Variants in MAGT1 observed in about 807,000 individuals in gnomAD.
MAGT1 encodes the protein magnesium transporter 1.
In MAGT1, 4 loss-of-function variants were observed where a neutral mutation model predicts 28.4. The observed-to-expected ratio is 0.14, with a 90% confidence interval of 0.07 to 0.32. MAGT1 has a LOEUF of 0.32. MAGT1 is among the 10% of genes least tolerant of loss of function. The pLI is 1.00. For missense variants in MAGT1, 193 were observed against 264.5 expected, an observed-to-expected ratio of 0.73 and a Z score of 1.88; for synonymous variants, 89 against 89.7, an observed-to-expected ratio of 0.99 and a Z score of 0.04.
chrX:77,859,594 C>T (rs1399989291), intron 3 of MAGT1, among the ~76,000 whole-genome samples: 8 of 111,970 alleles, frequency 7.1e-5, no homozygotes, highest in Admixed American at 4.8e-4. Flanking sequence ...TGCCCAGGCA[C>T]GGTGGCTCAC....
intron 5 of MAGT1, among the ~76,000 whole-genome samples, 160 bp from the exon 6 acceptor site, chrX:77,855,750 C>T (rs782795878): frequency 9.0e-6 from 1 of 111,302 alleles, no homozygotes; most frequent in Non-Finnish European, 1.9e-5. Flanking sequence ...GATCACAATT[C>T]GATAATACTT....
intron 4 of MAGT1, 100 bp from the exon 5 acceptor site, chrX:77,856,973 G>T: frequency 1.3e-6 from 1 of 762,357 alleles, no homozygotes; most frequent in Non-Finnish European, 2.0e-6. Flanking sequence ...AAATTATTGT[G>T]GTTACTTTCG....
At chrX:77,873,679 T>G in intron 2 of MAGT1, among the ~76,000 whole-genome samples, 1 of 111,810 alleles carries the variant, frequency 8.9e-6, no homozygotes, top group Non-Finnish European at 1.9e-5. Context: ...ACTGGGAAAT[T>G]AGAAACATCG....
Position 77,825,974 on chromosome X carries a change from C to T in MAGT1, c.*3246G>A, listed in dbSNP as rs1287392972. On this transcript the variant is annotated 3_prime_UTR_variant, in exon 10 of 10. Transcript: ENST00000618282. ...CTACTCCATGTTTGCAAAAGAGCTGCTGTCTAGTTTCATATAACTTATAAT... is the reference window on the plus strand; with the variant it reads ...CTACTCCATGTTTGCAAAAGAGCTGTTGTCTAGTTTCATATAACTTATAAT... Among the ~76,000 whole-genome samples, 1 of 112,712 alleles carries T rather than the reference C, an allele frequency of 8.9e-6. No homozygotes were observed. Among genetic ancestry groups the T allele is most frequent in the Non-Finnish European group, 1.9e-5 (1 of 53,392 alleles).
chrX:77,889,282 C>T (rs1289503806), intron 1 of MAGT1, among the ~76,000 whole-genome samples: 2 of 102,722 alleles, frequency 1.9e-5, no homozygotes, highest in Non-Finnish European at 3.9e-5. Flanking sequence ...CGCCTGGCCT[C>T]ATTCTTTTTT....
chrX:77,895,149 C>T (rs2077094827), intron 1 of MAGT1, among the ~76,000 whole-genome samples, 160 bp downstream of exon 1: 2 of 111,897 alleles, frequency 1.8e-5, no homozygotes, highest in African/African-American at 6.5e-5. Context: ...CAAAGAGTTA[C>T]AGTTCCTTCT....
chrX:77,839,412 C>T (rs1392038945), intron 8 of MAGT1, among the ~76,000 whole-genome samples: 1 of 104,958 alleles, frequency 9.5e-6, no homozygotes, highest in Non-Finnish European at 2.0e-5. Context: ...GGCACGATCT[C>T]GGCTCACTGC....
upstream of MAGT1, chrX:77,895,453 A>T: frequency 8.3e-7 from 1 of 1,199,780 alleles, no homozygotes. Context: ...TGCTCCGGCT[A>T]GGTCTGAGGG....
intron 7 of MAGT1, among the ~76,000 whole-genome samples, 165 bp downstream of exon 7, chrX:77,853,736 G>A (rs1174167805): frequency 8.9e-6 from 1 of 111,860 alleles, no homozygotes; most frequent in Non-Finnish European, 1.9e-5. Context: ...TTTGTCCCTA[G>A]TAGTCTTTGG....
intron 5 of MAGT1, among the ~76,000 whole-genome samples, 162 bp from the exon 6 acceptor site, chrX:77,855,752 A>G (rs2076979858): frequency 8.9e-6 from 1 of 111,840 alleles, no homozygotes; most frequent in Non-Finnish European, 1.9e-5. Context: ...TCACAATTCG[A>G]TAATACTTCA....
rs1393857818 is a variant in MAGT1 at position 77,866,517 on chromosome X, T to A, written c.390+4291A>T. ...CAATCTTCTCAAGGATATTTGTATA[T>A]CTTTGGAAGATAGTTGAAATGGCCT... On this transcript the variant is annotated intron_variant, in intron 3 of 9. Coordinates refer to ENST00000618282, the MANE Select transcript of MAGT1 (RefSeq NM_001367916.1). 4.5e-5 allele frequency among the ~76,000 whole-genome samples: 3 copies of A among 66,710 alleles called. 1 individual carries two copies. The Admixed American group carries it at 6.2e-4, about 14-fold the overall frequency. The allele number at this position is 66,710 out of a possible 115,157, so 57.9% of individuals were successfully genotyped here.
intron 4 of MAGT1, 108 bp from the exon 5 acceptor site, chrX:77,856,981 T>C: frequency 1.4e-6 from 1 of 733,979 alleles, no homozygotes; most frequent in Admixed American, 2.8e-5. Flanking sequence ...GTGGTTACTT[T>C]CGGAAAAATG....
chrX:77,848,892 T>C (rs1285567965), intron 7 of MAGT1, among the ~76,000 whole-genome samples: 5 of 109,515 alleles, frequency 4.6e-5, no homozygotes, highest in Non-Finnish European at 9.5e-5. Context: ...TGCTCACCTA[T>C]AGTCCCAGCT....
chrX:77,841,137 A>G (rs1603359823), intron 8 of MAGT1, 109 bp downstream of exon 8: 2 of 546,354 alleles, frequency 3.7e-6, no homozygotes, highest in Non-Finnish European at 6.1e-6. Flanking sequence ...AAAATAGTAA[A>G]GGGGTAAAAT....
At chrX:77,881,255 T>C (rs782199408) in intron 1 of MAGT1, among the ~76,000 whole-genome samples, 2 of 111,376 alleles carry the variant, frequency 1.8e-5, no homozygotes, top group East Asian at 5.6e-4. Flanking sequence ...TTGCCATATT[T>C]TGTTTTTTTT....
chrX:77,853,956 G>T lies in MAGT1; in HGVS notation c.771C>A (p.Ile257=), dbSNP rs782533209. The T allele has an allele frequency of 1.7e-6, 2 of 1,199,895 alleles. No individual in the cohort carries two copies. The highest frequency in any genetic ancestry group is 2.3e-6 in the Non-Finnish European group (2 of 884,989). The change falls in exon 7 of 10, where the codon ATC becomes ATA. Residue 257 remains isoleucine, a synonymous_variant. Transcript: ENST00000618282. The part of the protein sequence containing the change: ...KNPHTGHVNY[I]HGSSQAQFVA... ...CAAACTGGGCTTGACTGCTTCCATG[G>T]ATATAATTCTAGGAGGGAAAAAAGA...
At chrX:77,831,824 G>C (rs1285772341) in intron 8 of MAGT1, among the ~76,000 whole-genome samples, 4 of 109,800 alleles carry the variant, frequency 3.6e-5, no homozygotes, top group Non-Finnish European at 7.6e-5. Context: ...GATCTCCTGG[G>C]CTCAAGTGAT....
intron 8 of MAGT1, among the ~76,000 whole-genome samples, chrX:77,834,170 A>ATATATATATGCATATATG (rs1276765953): frequency 3.7e-4 from 38 of 101,640 alleles, no homozygotes; most frequent in East Asian, 3.1e-4. Context: ...TACACCATAT[A>ATATATATATGCATATATG]TATATATATG....
chrX:77,838,332 C>T (rs940201820), intron 8 of MAGT1, among the ~76,000 whole-genome samples: 1 of 109,895 alleles, frequency 9.1e-6, no homozygotes, highest in African/African-American at 3.3e-5. Flanking sequence ...TGGCATGAGC[C>T]TGTGGTCATA....
Sources: gnomAD v4.1 joint callset for allele counts (sites outside exome capture counted in the v4.1 genomes callset) on GRCh38, gnomAD v4.1.1 for gene constraint, MANE v1.5 for transcripts, NCBI Gene and HGNC (gene_info 2026-07-23, HGNC 2026-07-21) for gene names.